Variants in SUGCT observed in about 807,000 individuals in gnomAD.
SUGCT encodes succinyl-CoA:glutarate-CoA transferase, also known as succinyl-CoA:glutarate CoA-transferase.
In SUGCT, 41 loss-of-function variants were observed where a neutral mutation model predicts 55.0. The observed-to-expected ratio is 0.74, with a 90% CI of 0.58 to 0.97. The LOEUF (loss-of-function observed/expected upper bound fraction) is 0.97. SUGCT is among the 50% of genes least tolerant of loss of function. The pLI, the probability that SUGCT is intolerant of heterozygous loss-of-function variation, is 0.00. For synonymous variants in SUGCT, 187 were observed against 200.4 expected (o/e 0.93, Z 0.56); for missense variants, 568 against 547.8 (o/e 1.04, Z -0.37).
chr7:40,548,186 C>CTTTTTTTTTTTTTTTTTTTTTTTTT (rs1186226631), intron 12 of SUGCT, among the ~76,000 whole-genome samples: 19 of 105,004 alleles, frequency 1.8e-4, no homozygotes, highest in Admixed American at 3.0e-4. Context: ...TTCTTTCTTT[C>CTTTTTTTTTTTTTTTTTTTTTTTTT]TTTTTTTTTT....
chr7:40,573,373 G>A (rs974747455), intron 12 of SUGCT, among the ~76,000 whole-genome samples: 5 of 152,186 alleles, frequency 3.3e-5, no homozygotes, highest in Non-Finnish European at 2.9e-5. Flanking sequence ...TAGTATCAGG[G>A]CACTAATGAG....
At chr7:40,448,026 C>T (rs1175598115) in intron 9 of SUGCT, among the ~76,000 whole-genome samples, 2 of 152,058 alleles carry the variant, frequency 1.3e-5, no homozygotes, top group African/African-American at 2.4e-5. Flanking sequence ...GAGTGTCCAT[C>T]GCTGTCCACA....
At chr7:40,522,734 A>G (rs1183569811) in intron 12 of SUGCT, among the ~76,000 whole-genome samples, 1 of 152,074 alleles carries the variant, frequency 6.6e-6, no homozygotes, top group Non-Finnish European at 1.5e-5. Flanking sequence ...TGTTGAGTAG[A>G]CCTGTTTGCA....
At position 40,135,124 on chromosome 7, in the gene SUGCT, C is replaced by A. The variant is rs759424647; in HGVS notation, c.100+4C>A. ...TGGACTGGCCGCCCGCAGTCAGGTA[C>A]CCTCCGAGATTCGGTCTGGGTGGCT... On this transcript the variant is annotated splice_donor_region_variant and intron_variant, in intron 1 of 13. Coordinates refer to ENST00000335693, the MANE Select transcript of SUGCT (RefSeq NM_001193313.2). The A allele has an allele frequency of 5.8e-6, 9 of 1,550,256 alleles. No homozygotes were observed. The highest frequency in any genetic ancestry group is 7.8e-6 in the Non-Finnish European group (9 of 1,147,964).
rs1348625282 is a variant in SUGCT at position 40,662,828 on chromosome 7, T to C, written c.1090-86606T>C. On this transcript the variant is annotated intron_variant, in intron 12 of 13. Transcript: ENST00000335693. ...TGTTACCTTTTAAAAAAATTAATAC[T>C]TATAATCATGCTCTAATACTTAAGC... 2.0e-5 allele frequency among the ~76,000 whole-genome samples: 3 copies of C among 152,232 alleles called. No homozygotes were observed. In the East Asian group the frequency reaches 5.8e-4, roughly 29 times the overall value.
chr7:40,311,911 A>G (rs936569555), intron 8 of SUGCT, among the ~76,000 whole-genome samples: 5 of 152,238 alleles, frequency 3.3e-5, no homozygotes, highest in Admixed American at 1.3e-4. Context: ...AAGGGTTTAA[A>G]ATAAATAAGT....
At chr7:40,435,594 TATCTG>T (rs1163284034) in intron 9 of SUGCT, among the ~76,000 whole-genome samples, 3 of 152,178 alleles carry the variant, frequency 2.0e-5, no homozygotes, top group Admixed American at 6.6e-5. Flanking sequence ...AAGTTGCTCT[TATCTG>T]ATATTCAGCC....
chr7:40,587,908 T>TC (rs2151726480), intron 12 of SUGCT, among the ~76,000 whole-genome samples: 1 of 151,078 alleles, frequency 6.6e-6, no homozygotes, highest in South Asian at 2.1e-4. Context: ...TTTCTGTTTT[T>TC]TTTTTTTTTT....
At chr7:40,634,002 A>G (rs1242343043) in intron 12 of SUGCT, among the ~76,000 whole-genome samples, 1 of 152,142 alleles carries the variant, frequency 6.6e-6, no homozygotes, top group East Asian at 1.9e-4. Context: ...AGGGATCGTC[A>G]TGCTAACTTG....
intron 1 of SUGCT, among the ~76,000 whole-genome samples, chr7:40,161,900 T>C (rs1422389233): frequency 6.6e-6 from 1 of 152,140 alleles, no homozygotes; most frequent in African/African-American, 2.4e-5. Flanking sequence ...GAGGTGATTT[T>C]CTTTTTTATT....
At chr7:40,929,998 G>A in the SUGCT span, among the ~76,000 whole-genome samples, 1 of 152,024 alleles carries the variant, frequency 6.6e-6, no homozygotes, top group Non-Finnish European at 1.5e-5. Flanking sequence ...CCTTGCCCAT[G>A]CCTATGTCCT....
At chr7:40,471,879 A>G (rs999085305) in intron 11 of SUGCT, among the ~76,000 whole-genome samples, 1 of 152,122 alleles carries the variant, frequency 6.6e-6, no homozygotes, top group Admixed American at 6.5e-5. Flanking sequence ...GTAAAAAATT[A>G]TAACAACCTC....
intron 13 of SUGCT, among the ~76,000 whole-genome samples, chr7:40,751,801 G>C (rs1368979203): frequency 6.6e-6 from 1 of 152,182 alleles, no homozygotes; most frequent in Non-Finnish European, 1.5e-5. Context: ...GCATTTGAAA[G>C]TCAATATGAT....
rs184599668 is a variant in SUGCT, at chr7:40,434,222, C to T, written c.817-15065C>T. Among the ~76,000 whole-genome samples, 3 of 152,250 alleles carry T rather than the reference C, an allele frequency of 2.0e-5. No individual in the cohort carries two copies. The East Asian group carries it at 5.8e-4, about 29-fold the overall frequency. ...CATGACCTTAATCATGGTAGATGTG[C>T]CCATGTGAGTCCAATTCTTTTGAGT... On this transcript the variant is annotated intron_variant, in intron 9 of 13. Coordinates refer to ENST00000335693, the MANE Select transcript of SUGCT (RefSeq NM_001193313.2).
At chr7:40,423,465 T>C (rs1474129125) in intron 9 of SUGCT, among the ~76,000 whole-genome samples, 1 of 152,160 alleles carries the variant, frequency 6.6e-6, no homozygotes, top group Non-Finnish European at 1.5e-5. Flanking sequence ...TATATAACTT[T>C]GCTTTACAGT....
intron 13 of SUGCT, among the ~76,000 whole-genome samples, chr7:40,848,359 T>G (rs1170698733): frequency 6.6e-6 from 1 of 152,146 alleles, no homozygotes; most frequent in Non-Finnish European, 1.5e-5. Flanking sequence ...CTTAAGGAAA[T>G]GTATATATAC....
chr7:40,465,554 G>A (rs1345160921), intron 11 of SUGCT, among the ~76,000 whole-genome samples: 2 of 152,034 alleles, frequency 1.3e-5, no homozygotes, highest in Non-Finnish European at 2.9e-5. Flanking sequence ...AGGTTGCAGT[G>A]AGCCGAGATC....
chr7:40,489,441 G>T (rs1791562686), intron 11 of SUGCT, among the ~76,000 whole-genome samples: 1 of 152,142 alleles, frequency 6.6e-6, no homozygotes, highest in African/African-American at 2.4e-5. Context: ...AGAACTTTGG[G>T]AGGCCGAGGC....
At chr7:40,209,355 G>A (rs990429521) in intron 6 of SUGCT, among the ~76,000 whole-genome samples, 11 of 152,010 alleles carry the variant, frequency 7.2e-5, no homozygotes, top group East Asian at 5.8e-4. Context: ...AAAATTAGCC[G>A]AGCGTGGTGG....
Sources: allele counts gnomAD v4.1 joint callset (sites outside exome capture counted in the v4.1 genomes callset), GRCh38; gene constraint gnomAD v4.1.1; transcripts MANE v1.5; gene names NCBI Gene and HGNC (gene_info 2026-07-23, HGNC 2026-07-21).